HS3ST3A1: variants seen among roughly 807,000 people sequenced by gnomAD.
The protein encoded by HS3ST3A1 is heparan sulfate-glucosamine 3-sulfotransferase 3A1, also known as heparan sulfate glucosamine 3-O-sulfotransferase 3A1.
A neutral mutation model predicts 25.7 loss-of-function variants in HS3ST3A1; 19 were observed. The observed-to-expected ratio is 0.74, with a 90% CI of 0.52 to 1.08. The LOEUF is 1.08. HS3ST3A1 is among the 50% of genes least tolerant of loss of function. The probability of loss-of-function intolerance (pLI) is 0.00; values close to 1 mark genes in which losing one functional copy is unlikely to be tolerated. For missense variants in HS3ST3A1, 459 were observed against 594.3 expected (o/e 0.77, Z 2.37); for synonymous variants, 226 against 278.6 (o/e 0.81, Z 1.88).
intron 1 of HS3ST3A1, among the ~76,000 whole-genome samples, chr17:13,522,195 A>G (rs941010884): frequency 6.6e-5 from 10 of 151,922 alleles, no homozygotes; most frequent in African/African-American, 2.2e-4. Context: ...ATCTGTTTGT[A>G]TGTATGTATA....
chr17:13,529,780 C>T (rs1402017163), intron 1 of HS3ST3A1, among the ~76,000 whole-genome samples: 1 of 152,104 alleles, frequency 6.6e-6, no homozygotes, highest in African/African-American at 2.4e-5. Context: ...CCTATCAAAA[C>T]TTGCTGAACA....
intron 1 of HS3ST3A1, among the ~76,000 whole-genome samples, chr17:13,545,491 A>G (rs1907062690): frequency 1.3e-5 from 2 of 152,154 alleles, no homozygotes; most frequent in Admixed American, 1.3e-4. Flanking sequence ...AGAGCTATGT[A>G]TCTCTCTGCA....
At chr17:13,582,641 A>G (rs1459424165) in intron 1 of HS3ST3A1, among the ~76,000 whole-genome samples, 1 of 152,182 alleles carries the variant, frequency 6.6e-6, no homozygotes, top group African/African-American at 2.4e-5. Context: ...GAAACATTTA[A>G]TGCCCAACGT....
intron 1 of HS3ST3A1, among the ~76,000 whole-genome samples, chr17:13,520,405 C>A (rs1000689334): frequency 2.6e-5 from 4 of 152,182 alleles, no homozygotes; most frequent in Non-Finnish European, 5.9e-5. Flanking sequence ...ATCAGTCCTA[C>A]TGCACATTCG....
chr17:13,563,269 G>T (rs970627805), intron 1 of HS3ST3A1, among the ~76,000 whole-genome samples: 2 of 152,020 alleles, frequency 1.3e-5, no homozygotes, highest in Admixed American at 6.6e-5. Flanking sequence ...GGTATGGAAA[G>T]AAACTGAAGT....
intron 1 of HS3ST3A1, among the ~76,000 whole-genome samples, chr17:13,514,242 T>C (rs2142310592): frequency 6.6e-6 from 1 of 152,176 alleles, no homozygotes; most frequent in African/African-American, 2.4e-5. Context: ...CTTTTTTTAT[T>C]TATAGTGGTT....
At chr17:13,556,544 G>A in intron 1 of HS3ST3A1, among the ~76,000 whole-genome samples, 2 of 86,558 alleles carry the variant, frequency 2.3e-5, no homozygotes, top group African/African-American at 7.7e-5. Context: ...AAAATAAATA[G>A]ATAAAAAATA....
intron 1 of HS3ST3A1, among the ~76,000 whole-genome samples, chr17:13,541,328 T>C (rs1452181788): frequency 6.6e-6 from 1 of 152,226 alleles, no homozygotes; most frequent in East Asian, 1.9e-4. Context: ...CTTTGGACTC[T>C]TAATCCATGT....
At chr17:13,527,384 T>A (rs957545914) in intron 1 of HS3ST3A1, among the ~76,000 whole-genome samples, 1 of 152,192 alleles carries the variant, frequency 6.6e-6, no homozygotes, top group African/African-American at 2.4e-5. Context: ...AAAATTCCCC[T>A]AATTGCTCTG....
At chr17:13,539,191 A>G (rs1390567561) in intron 1 of HS3ST3A1, among the ~76,000 whole-genome samples, 1 of 152,202 alleles carries the variant, frequency 6.6e-6, no homozygotes, top group Non-Finnish European at 1.5e-5. Context: ...AGAAGCTGTC[A>G]GGGCTCTAAG....
At chr17:13,556,358 A>G (rs1907373389) in intron 1 of HS3ST3A1, among the ~76,000 whole-genome samples, 1 of 151,248 alleles carries the variant, frequency 6.6e-6, no homozygotes, top group African/African-American at 2.4e-5. Context: ...AATACAAAAA[A>G]TCAGTGGGGC....
intron 1 of HS3ST3A1, among the ~76,000 whole-genome samples, chr17:13,503,757 G>A (rs1905566363): frequency 6.6e-6 from 1 of 152,154 alleles, no homozygotes; most frequent in Non-Finnish European, 1.5e-5. Context: ...TGGCACTTTG[G>A]TGGTTAAAGA....
Position 13,601,257 on chromosome 17 carries a change from G to T in HS3ST3A1, c.-128C>A. ...CACATCGCCGTGCGCCCCTGTGGCC[G>T]TGCGAACTGTCCCGGGAGGCAGCGG... On this transcript the variant is annotated 5_prime_UTR_variant, in exon 1 of 2. Transcript: ENST00000284110. 1.4e-6 allele frequency: 1 copy of T among 691,178 alleles called. No homozygotes were observed. Among genetic ancestry groups the T allele is most frequent in the Non-Finnish European group, 2.2e-6 (1 of 449,468 alleles). 42.8% of individuals were successfully genotyped at this position (691,178 alleles called of 1,614,324 possible). A position where few individuals can be genotyped will look rare whatever the true frequency, so the allele number is the denominator to read the frequency against.
At chr17:13,515,351 G>T (rs980456109) in intron 1 of HS3ST3A1, among the ~76,000 whole-genome samples, 6 of 151,848 alleles carry the variant, frequency 4.0e-5, no homozygotes, top group Non-Finnish European at 7.4e-5. Flanking sequence ...GTAGAGATGG[G>T]TTTTCACCAT....
In HS3ST3A1 at chr17:13,561,049, C is replaced by T. The variant is rs565805468; in HGVS notation, c.599+39482G>A. On this transcript the variant is annotated intron_variant, in intron 1 of 1. Transcript: ENST00000284110. ...GTTTGTAACACATCTCAGCCAGAGG[C>T]CTCCATTCCTCGATGGATGTTAGAG... Among the ~76,000 whole-genome samples the T allele has an allele frequency of 3.9e-5, 6 of 152,302 alleles. No homozygotes were observed. In the South Asian group the frequency reaches 1.2e-3, roughly 32 times the overall value.
chr17:13,601,411 A>C lies in HS3ST3A1; in HGVS notation c.-282T>G. The C allele has an allele frequency of 2.8e-6, 1 of 362,408 alleles. No homozygotes were observed. Among genetic ancestry groups the C allele is most frequent in the Non-Finnish European group, 4.9e-6 (1 of 203,396 alleles). 22.4% of individuals were successfully genotyped at this position (362,408 alleles called of 1,614,324 possible). On this transcript the variant is annotated 5_prime_UTR_variant, in exon 1 of 2. Coordinates refer to ENST00000284110, the MANE Select transcript of HS3ST3A1 (RefSeq NM_006042.3). ...TCGTCTTAGACTCGCCCAAGTCCTG[A>C]GCTTGGGGCAGCCTTGGCCCCTCGG...
intron 1 of HS3ST3A1, among the ~76,000 whole-genome samples, chr17:13,528,049 C>T (rs1906493316): frequency 6.6e-6 from 1 of 152,100 alleles, no homozygotes; most frequent in Non-Finnish European, 1.5e-5. Flanking sequence ...GTATACTGAT[C>T]CGTGTCATCG....
At chr17:13,526,002 AC>A (rs1567614335) in intron 1 of HS3ST3A1, among the ~76,000 whole-genome samples, 3 of 152,094 alleles carry the variant, frequency 2.0e-5, no homozygotes, top group African/African-American at 7.2e-5. Flanking sequence ...CCCCAGCTGT[AC>A]TTGACATGAT....
chr17:13,591,676 T>TGGGG (rs375837192), intron 1 of HS3ST3A1, among the ~76,000 whole-genome samples: 19,420 of 141,382 alleles, frequency 0.14, 1,335 homozygotes, highest in African/African-American at 0.17. Context: ...TTTTTTTTTT[T>TGGGG]GGGACAGAGT....
Sources: allele counts gnomAD v4.1 joint callset (sites outside exome capture counted in the v4.1 genomes callset), GRCh38; gene constraint gnomAD v4.1.1; transcripts MANE v1.5; gene names NCBI Gene and HGNC (gene_info 2026-07-23, HGNC 2026-07-21).